The following KCNQ1OT1 variants were observed in gnomAD, a reference collection of about 807,000 sequenced individuals.
KCNQ1OT1 encodes the protein KCNQ1 opposite strand/antisense transcript 1.
In KCNQ1OT1 at chr11:2,640,905, C is replaced by G. The variant is rs1228735351; in HGVS notation, n.59090G>C. 1.0e-5 allele frequency: 4 copies of G among 399,580 alleles called. No individual in the cohort carries two copies. In the East Asian group the frequency reaches 1.4e-4, roughly 14 times the overall value. The allele number at this position is 399,580 out of a possible 1,614,324, so 24.8% of individuals were successfully genotyped here. ...ATGAGATCAACTTTTATAGCTCCCACATATGATAATAACATAAGATAATTA... is the reference window on the plus strand; with the variant it reads ...ATGAGATCAACTTTTATAGCTCCCAGATATGATAATAACATAAGATAATTA... On this transcript the variant is annotated non_coding_transcript_exon_variant, in exon 1 of 1. Coordinates refer to ENST00000597346, the Ensembl canonical transcript of KCNQ1OT1.
chr11:2,677,049 C>T lies in KCNQ1OT1; in HGVS notation n.22946G>A. On this transcript the variant is annotated non_coding_transcript_exon_variant, in exon 1 of 1. Transcript: ENST00000597346. This position sits in a 1 kb window ranked among gnomAD's most constrained non-coding sequence, Gnocchi z 4.5. ...CTCTGTTGATGGATATGTAGGGCAG[C>T]TAAAAAACAGCAGCCATTAACCATT... 1 of 398,586 alleles carries T rather than the reference C, an allele frequency of 2.5e-6. No homozygotes were observed. Among genetic ancestry groups the T allele is most frequent in the Non-Finnish European group, 4.4e-6 (1 of 226,060 alleles). 24.7% of individuals were successfully genotyped at this position (398,586 alleles called of 1,614,324 possible).
rs895421032 is a variant in KCNQ1OT1, at chr11:2,695,518, T to G, written n.4477A>C. 2.5e-6 allele frequency: 1 copy of G among 398,570 alleles called. No individual in the cohort carries two copies. Among genetic ancestry groups the G allele is most frequent in the Admixed American group, 4.4e-5 (1 of 22,712 alleles). The allele number at this position is 398,570 out of a possible 1,614,324, so 24.7% of individuals were successfully genotyped here. A position where few individuals can be genotyped will look rare whatever the true frequency, so the allele number is the denominator to read the frequency against. Reference sequence around the variant, plus strand: ...TCTAGTCCCCTGCTCCTAACCACAGTGACCAGCTCCAACTGCCCACCCCTA... The same window carrying G: ...TCTAGTCCCCTGCTCCTAACCACAGGGACCAGCTCCAACTGCCCACCCCTA... On this transcript the variant is annotated non_coding_transcript_exon_variant, in exon 1 of 1. Coordinates refer to ENST00000597346, the Ensembl canonical transcript of KCNQ1OT1. The surrounding 1 kb of genome is among the most constrained non-coding windows in gnomAD (Gnocchi z 5.2).
chr11:2,646,486 T>C (rs1201588192), exon 1 of KCNQ1OT1: 6 of 398,540 alleles, frequency 1.5e-5, no homozygotes, highest in Non-Finnish European at 2.7e-5. Flanking sequence ...ATTTCTCTTT[T>C]GGCTAATTTG....
chr11:2,637,173 C>T (rs1032059250), exon 1 of KCNQ1OT1: 4 of 151,722 alleles, frequency 2.6e-5, no homozygotes, highest in Non-Finnish European at 5.9e-5. Context: ...TTTTGTGTCT[C>T]TATCTCCTTC....
exon 1 of KCNQ1OT1, chr11:2,643,534 A>G (rs1186098397): frequency 2.0e-5 from 8 of 398,228 alleles, no homozygotes; most frequent in South Asian, 1.3e-4. Context: ...TCTTTCAACT[A>G]TGTGTCTTTA....
chr11:2,682,650 G>C lies in KCNQ1OT1; in HGVS notation n.17345C>G, dbSNP rs1590029435. ...AGGCTCAGTCATCCCTGCTTCCCCA[G>C]GGCTCATGTCCACATGCTATTGTCC... On this transcript the variant is annotated non_coding_transcript_exon_variant, in exon 1 of 1. Transcript: ENST00000597346. This position sits in a 1 kb window ranked among gnomAD's most constrained non-coding sequence, Gnocchi z 5.8. 1 of 398,582 alleles carries C rather than the reference G, an allele frequency of 2.5e-6. No individual in the cohort carries two copies. Among genetic ancestry groups the C allele is most frequent in the East Asian group, 3.6e-5 (1 of 28,068 alleles). 24.7% of individuals were successfully genotyped at this position (398,582 alleles called of 1,614,324 possible). A position where few individuals can be genotyped will look rare whatever the true frequency, so the allele number is the denominator to read the frequency against.
At chr11:2,641,707 C>T in exon 1 of KCNQ1OT1, 1 of 398,344 alleles carries the variant, frequency 2.5e-6, no homozygotes, top group East Asian at 3.6e-5. Context: ...AAATCTTTCC[C>T]TAGACCAATG....
chr11:2,684,247 C>G, exon 1 of KCNQ1OT1: 1 of 398,610 alleles, frequency 2.5e-6, no homozygotes, highest in Non-Finnish European at 4.4e-6. Flanking sequence ...CCAGTACCTT[C>G]TGGGATTGGA....
Position 2,674,072 on chromosome 11 carries a change from G to A in KCNQ1OT1, n.25923C>T, listed in dbSNP as rs1850241064. 1 of 398,576 alleles carries A rather than the reference G, an allele frequency of 2.5e-6. No homozygotes were observed. Among genetic ancestry groups the A allele is most frequent in the African/African-American group, 2.1e-5 (1 of 48,632 alleles). 24.7% of individuals were successfully genotyped at this position (398,576 alleles called of 1,614,324 possible). A position where few individuals can be genotyped will look rare whatever the true frequency, so the allele number is the denominator to read the frequency against. On this transcript the variant is annotated non_coding_transcript_exon_variant, in exon 1 of 1. Transcript: ENST00000597346. This position sits in a 1 kb window ranked among gnomAD's most constrained non-coding sequence, Gnocchi z 5.9. ...TGTACTTGCTGGCTGCCCCATGGGG[G>A]CTTGGGCTAGGTCTCCCTGCCGGTG...
exon 1 of KCNQ1OT1, chr11:2,656,234 T>G (rs187534582): frequency 3.5e-5 from 14 of 398,698 alleles, no homozygotes; most frequent in Admixed American, 8.8e-5. Flanking sequence ...CTCTGTCACT[T>G]GACAACTGCA....
chr11:2,634,805 A>G, exon 1 of KCNQ1OT1: 1 of 152,212 alleles, frequency 6.6e-6, no homozygotes, highest in Admixed American at 6.5e-5. Flanking sequence ...AACAGTGTAA[A>G]AGCGTTCCTA....
At chr11:2,636,010 T>C (rs1201494229) in exon 1 of KCNQ1OT1, 1 of 152,246 alleles carries the variant, frequency 6.6e-6, no homozygotes, top group Admixed American at 6.5e-5. Context: ...ATAAGAATGC[T>C]TGTGATGTTT....
At position 2,661,552 on chromosome 11, in the gene KCNQ1OT1, G is replaced by T; in HGVS notation, n.38443C>A. 1.9e-6 allele frequency: 1 copy of T among 534,552 alleles called. No homozygotes were observed. Among genetic ancestry groups the T allele is most frequent in the Non-Finnish European group, 3.3e-6 (1 of 301,916 alleles). The allele number at this position is 534,552 out of a possible 1,614,324, so 33.1% of individuals were successfully genotyped here. On this transcript the variant is annotated non_coding_transcript_exon_variant, in exon 1 of 1. Coordinates refer to ENST00000597346, the Ensembl canonical transcript of KCNQ1OT1. The surrounding 1 kb of genome is among the most constrained non-coding windows in gnomAD (Gnocchi z 5.9). ...TTTCCTGACCCACTACTCTGTCAAT[G>T]TATGAGTGTGACAATGTATGGTGGT... is the stretch of plus-strand genomic sequence containing the variant.
rs113173257 is a variant in KCNQ1OT1, at chr11:2,696,392, C to T, written n.3603G>A. On this transcript the variant is annotated non_coding_transcript_exon_variant, in exon 1 of 1. Coordinates refer to ENST00000597346, the Ensembl canonical transcript of KCNQ1OT1. ...CTGATATGTGGTGCCACCTTTATCACATGTCCCCTTCCTCTAGACTTGGAG... is the reference window on the plus strand; with the variant it reads ...CTGATATGTGGTGCCACCTTTATCATATGTCCCCTTCCTCTAGACTTGGAG... 470 of 398,670 alleles carry T rather than the reference C, an allele frequency of 1.2e-3. 1 individual carries two copies. Among genetic ancestry groups the T allele is most frequent in the African/African-American group, 8.1e-3 (396 of 48,750 alleles). The allele number at this position is 398,670 out of a possible 1,614,324, so 24.7% of individuals were successfully genotyped here. A position where few individuals can be genotyped will look rare whatever the true frequency, so the allele number is the denominator to read the frequency against.
In KCNQ1OT1 at chr11:2,668,492, G is replaced by A. The variant is rs1850123799; in HGVS notation, n.31503C>T. 1 of 398,610 alleles carries A rather than the reference G, an allele frequency of 2.5e-6. No individual in the cohort carries two copies. The highest frequency in any genetic ancestry group is 4.4e-6 in the Non-Finnish European group (1 of 226,064). 24.7% of individuals were successfully genotyped at this position (398,610 alleles called of 1,614,324 possible). A position where few individuals can be genotyped will look rare whatever the true frequency, so the allele number is the denominator to read the frequency against. On this transcript the variant is annotated non_coding_transcript_exon_variant, in exon 1 of 1. Transcript: ENST00000597346. The surrounding 1 kb of genome is among the most constrained non-coding windows in gnomAD (Gnocchi z 4.3). ...TCGTTTCCTTTTCAGCCATGATGGT[G>A]AATGTCTAGCAGCATCAAATGGTGA...
chr11:2,665,874 G>A, exon 1 of KCNQ1OT1: 1 of 398,798 alleles, frequency 2.5e-6, no homozygotes. Flanking sequence ...TCTGAACTTG[G>A]GGGCTGTGTG....
chr11:2,671,442 G>A lies in KCNQ1OT1; in HGVS notation n.28553C>T, dbSNP rs1850181921. On this transcript the variant is annotated non_coding_transcript_exon_variant, in exon 1 of 1. Coordinates refer to ENST00000597346, the Ensembl canonical transcript of KCNQ1OT1. This position sits in a 1 kb window ranked among gnomAD's most constrained non-coding sequence, Gnocchi z 4.7. ...ACCCAGAGATTCTCCCACTTTAGCAGGCAGAAGAGCAACCCAGCAGGGGAT... is the reference window on the plus strand; with the variant it reads ...ACCCAGAGATTCTCCCACTTTAGCAAGCAGAAGAGCAACCCAGCAGGGGAT... The A allele has an allele frequency of 2.5e-6, 1 of 398,512 alleles. No individual in the cohort carries two copies. The highest frequency in any genetic ancestry group is 4.4e-6 in the Non-Finnish European group (1 of 226,088). 24.7% of individuals were successfully genotyped at this position (398,512 alleles called of 1,614,324 possible). A position where few individuals can be genotyped will look rare whatever the true frequency, so the allele number is the denominator to read the frequency against.
rs1440969201 is a variant in KCNQ1OT1 at position 2,678,589 on chromosome 11, G to A, written n.21406C>T. On this transcript the variant is annotated non_coding_transcript_exon_variant, in exon 1 of 1. Coordinates refer to ENST00000597346, the Ensembl canonical transcript of KCNQ1OT1. This position sits in a 1 kb window ranked among gnomAD's most constrained non-coding sequence, Gnocchi z 4.9. ...ATGTAACTTTATGATGCACTTATCT[G>A]TGTAGCAGGACTCCCCCTCATCTCC... is the stretch of plus-strand genomic sequence containing the variant. 5.0e-6 allele frequency: 2 copies of A among 398,510 alleles called. No homozygotes were observed. The highest frequency in any genetic ancestry group is 4.4e-6 in the Non-Finnish European group (1 of 226,062). 24.7% of individuals were successfully genotyped at this position (398,510 alleles called of 1,614,324 possible). A position where few individuals can be genotyped will look rare whatever the true frequency, so the allele number is the denominator to read the frequency against.
In KCNQ1OT1 at chr11:2,664,389, G is replaced by T; in HGVS notation, n.35606C>A. ...AGTCAGGGTACGGTCCCTCCAGAGA[G>T]GCCTGAAGGGGAGAGTGGGCACGTA... On this transcript the variant is annotated non_coding_transcript_exon_variant, in exon 1 of 1. Coordinates refer to ENST00000597346, the Ensembl canonical transcript of KCNQ1OT1. The surrounding 1 kb of genome is among the most constrained non-coding windows in gnomAD (Gnocchi z 5.1). 2.5e-6 allele frequency: 1 copy of T among 398,810 alleles called. No homozygotes were observed. Among genetic ancestry groups the T allele is most frequent in the East Asian group, 3.6e-5 (1 of 28,092 alleles). The allele number at this position is 398,810 out of a possible 1,614,324, so 24.7% of individuals were successfully genotyped here.
Sources: allele counts gnomAD v4.1 joint callset, GRCh38; gene constraint gnomAD v4.1.1; non-coding constraint Gnocchi (gnomAD v3.1); transcripts MANE v1.5; gene names NCBI Gene and HGNC (gene_info 2026-07-23, HGNC 2026-07-21).